LPCAT1: variants seen among roughly 807,000 people sequenced by gnomAD.
LPCAT1 encodes 1-acylglycerol-3-phosphate O-acyltransferase.
LPCAT1 carries 23 observed loss-of-function variants against 60.9 expected under a neutral mutation model. The observed-to-expected ratio is 0.38, with a 90% CI of 0.27 to 0.53. The LOEUF (loss-of-function observed/expected upper bound fraction) is 0.53. LPCAT1 is among the 20% of genes least tolerant of loss of function. LPCAT1 has a pLI of 0.82. For synonymous variants in LPCAT1, 340 were observed against 301.1 expected, an observed-to-expected ratio of 1.13 and a Z score of -1.34; for missense variants, 622 against 723.6, an observed-to-expected ratio of 0.86 and a Z score of 1.61.
At chr5:1,507,854 A>C (rs1233251563) in intron 1 of LPCAT1, among the ~76,000 whole-genome samples, 1 of 152,224 alleles carries the variant, frequency 6.6e-6, no homozygotes, top group Non-Finnish European at 1.5e-5. Flanking sequence ...AGAAAGCCCC[A>C]ATGACAACAA....
intron 4 of LPCAT1, among the ~76,000 whole-genome samples, chr5:1,489,476 A>C (rs1347089409): frequency 6.6e-6 from 1 of 152,222 alleles, no homozygotes; most frequent in South Asian, 2.1e-4. Context: ...CGGGTGAGCA[A>C]TGCTCTATCT....
At chr5:1,503,617 T>A (rs573153280) in intron 1 of LPCAT1, among the ~76,000 whole-genome samples, 42 of 152,244 alleles carry the variant, frequency 2.8e-4, no homozygotes, top group Non-Finnish European at 5.3e-4. Flanking sequence ...TCCGCTCCTG[T>A]CACTTCCTCC....
At chr5:1,492,236 T>C (rs1435021213) in intron 3 of LPCAT1, among the ~76,000 whole-genome samples, 1 of 149,936 alleles carries the variant, frequency 6.7e-6, no homozygotes, top group African/African-American at 2.5e-5. Context: ...CAAGGGGAGA[T>C]GTCTCTGAGC....
rs1050340559 is a variant in LPCAT1 at position 1,480,184 on chromosome 5, G to A, written c.762-509C>T. 7.9e-6 allele frequency: 2 copies of A among 252,420 alleles called. No individual in the cohort carries two copies. The highest frequency in any genetic ancestry group is 1.3e-4 in the Admixed American group (2 of 15,340). The allele number at this position is 252,420 out of a possible 1,614,324, so 15.6% of individuals were successfully genotyped here. On this transcript the variant is annotated intron_variant, in intron 7 of 13. Coordinates refer to ENST00000283415, the MANE Select transcript of LPCAT1 (RefSeq NM_024830.5). This position sits in a 1 kb window ranked among gnomAD's most constrained non-coding sequence, Gnocchi z 6.4. ...CCCAACCCTCTTTCTGCCCTGTCAT[G>A]CCAGCCCCAGCCCTAGGCCCCCGGG... is the stretch of plus-strand genomic sequence containing the variant.
At position 1,483,141 on chromosome 5, in the gene LPCAT1, G is replaced by C. The variant is rs1460223052; in HGVS notation, c.726+287C>G. Among the ~76,000 whole-genome samples, 1 of 152,172 alleles carries C rather than the reference G, an allele frequency of 6.6e-6. No homozygotes were observed. Among genetic ancestry groups the C allele is most frequent in the Non-Finnish European group, 1.5e-5 (1 of 68,034 alleles). ...AGAGGAAAGGGCAGCTTTGTCAGGAGCTATGGAAGCAGGGCTCTGGAACAC... is the reference window on the plus strand; with the variant it reads ...AGAGGAAAGGGCAGCTTTGTCAGGACCTATGGAAGCAGGGCTCTGGAACAC... On this transcript the variant is annotated intron_variant, in intron 6 of 13. Transcript: ENST00000283415. This position sits in a 1 kb window ranked among gnomAD's most constrained non-coding sequence, Gnocchi z 9.2.
At position 1,496,674 on chromosome 5, in the gene LPCAT1, C is replaced by G. The variant is rs1735807300; in HGVS notation, c.279-1760G>C. Among the ~76,000 whole-genome samples the G allele has an allele frequency of 1.3e-5, 2 of 152,190 alleles. No individual in the cohort carries two copies. The highest frequency in any genetic ancestry group is 1.3e-4 in the Admixed American group (2 of 15,284). ...CAGGGACAGACGGTGCTCAGGGGAACTGTACTGGGTGTCGGGGCAGGGAAA... is the reference window on the plus strand; with the variant it reads ...CAGGGACAGACGGTGCTCAGGGGAAGTGTACTGGGTGTCGGGGCAGGGAAA... On this transcript the variant is annotated intron_variant, in intron 2 of 13. Coordinates refer to ENST00000283415, the MANE Select transcript of LPCAT1 (RefSeq NM_024830.5). The surrounding 1 kb of genome is among the most constrained non-coding windows in gnomAD (Gnocchi z 4.7).
At chr5:1,486,327 T>TGCA (rs1046056535) in intron 5 of LPCAT1, among the ~76,000 whole-genome samples, 1 of 151,932 alleles carries the variant, frequency 6.6e-6, no homozygotes, top group Admixed American at 6.6e-5. Flanking sequence ...AGGTGGACAG[T>TGCA]GCAGCACAGA....
chr5:1,471,025 A>C, intron 11 of LPCAT1, 101 bp from the exon 12 acceptor site: 1 of 880,128 alleles, frequency 1.1e-6, no homozygotes, highest in African/African-American at 1.7e-5. Flanking sequence ...GGCCAGTCCC[A>C]CTCTCACTCG....
rs772472042 is a variant in LPCAT1 at position 1,480,924 on chromosome 5, A to G, written c.761+18T>C. 1.1e-5 allele frequency: 18 copies of G among 1,613,756 alleles called. No homozygotes were observed. In the Admixed American group the frequency reaches 2.7e-4, roughly 24 times the overall value. ...ATGGAACAACAGGACAAAGAGGACGACACGGCGTTCAACTTACGCTCCAGG... is the reference window on the plus strand; with the variant it reads ...ATGGAACAACAGGACAAAGAGGACGGCACGGCGTTCAACTTACGCTCCAGG... On this transcript the variant is annotated intron_variant, in intron 7 of 13. Coordinates refer to ENST00000283415, the MANE Select transcript of LPCAT1 (RefSeq NM_024830.5). The surrounding 1 kb of genome is among the most constrained non-coding windows in gnomAD (Gnocchi z 6.4).
At position 1,489,769 on chromosome 5, in the gene LPCAT1, G is replaced by C; in HGVS notation, c.583C>G (p.Gln195Glu). 3 of 1,613,742 alleles carry C rather than the reference G, an allele frequency of 1.9e-6. No homozygotes were observed. The highest frequency in any genetic ancestry group is 1.7e-6 in the Non-Finnish European group (2 of 1,179,590). The change falls in exon 4 of 14, where the codon CAG becomes GAG. Residue 195 changes from glutamine (Q) to glutamate (E), a missense_variant. Physicochemically the swap from Gln to Glu is conservative, Grantham distance 29. Transcript: ENST00000283415. ...KTVEEIKRRA[Q>E]SNGKWPQIMI... is the part of the protein sequence containing the mutation. ...ACCTGTGGCCACTTTCCGTTGGACT[G>C]CGCCCGTCTCTTGATTTCTTCTACT...
chr5:1,518,585 C>T (rs1464676634), intron 1 of LPCAT1, among the ~76,000 whole-genome samples: 6 of 152,226 alleles, frequency 3.9e-5, no homozygotes, highest in Admixed American at 3.9e-4. Context: ...CATGATCCGC[C>T]CGCCTCGGCC....
Position 1,470,915 on chromosome 5 carries a change from C to T in LPCAT1, c.1189G>A (p.Gly397Ser), listed in dbSNP as rs1350502986. ...MFSLFDESGS[G>S]EVDLRECVVA... ...ACACACTCTCGCAGGTCCACCTCGC[C>T]GCTGCCGCTCTGTGGGGAGAGACGC... The change falls in exon 12 of 14, where the codon GGC (glycine) becomes AGC (serine). Residue 397 changes from glycine to serine, a missense_variant. Gly to Ser is a moderately conservative substitution (Grantham distance 56). Transcript: ENST00000283415. The T allele has an allele frequency of 8.7e-6, 14 of 1,612,836 alleles. No individual in the cohort carries two copies. Among genetic ancestry groups the T allele is most frequent in the African/African-American group, 1.3e-5 (1 of 74,902 alleles).
chr5:1,510,430 G>C (rs901487192), intron 1 of LPCAT1, among the ~76,000 whole-genome samples: 1 of 152,170 alleles, frequency 6.6e-6, no homozygotes, highest in African/African-American at 2.4e-5. Flanking sequence ...TCTTGCCTGC[G>C]AGATGACAGT....
At chr5:1,488,529 A>C in intron 4 of LPCAT1, 78 bp from the exon 5 acceptor site, 1 of 985,610 alleles carries the variant, frequency 1.0e-6, no homozygotes, top group East Asian at 2.4e-5. Context: ...GCCAATCTTC[A>C]CAATATATTT....
chr5:1,486,480 G>A (rs1345552272), intron 5 of LPCAT1, among the ~76,000 whole-genome samples: 1 of 152,168 alleles, frequency 6.6e-6, no homozygotes, highest in Non-Finnish European at 1.5e-5. Context: ...GCCCAAACGG[G>A]TGACCCCAGC....
rs10708465 is a variant in LPCAT1 at position 1,495,330 on chromosome 5, TGGG to T, written c.279-419_279-417del. Among the ~76,000 whole-genome samples, 1 of 140,524 alleles carries T rather than the reference TGGG, an allele frequency of 7.1e-6. No homozygotes were observed. Among genetic ancestry groups the T allele is most frequent in the South Asian group, 2.3e-4 (1 of 4,394 alleles). 92.2% of individuals were successfully genotyped at this position (140,524 alleles called of 152,430 possible). ...AACACCTAAAACGCATATCGCAATA[TGGG>T]GGGGGGGGCGCTCAGAGCTGAGGGC... is the stretch of plus-strand genomic sequence containing the variant. On this transcript the variant is annotated intron_variant, in intron 2 of 13. Transcript: ENST00000283415. The surrounding 1 kb of genome is among the most constrained non-coding windows in gnomAD (Gnocchi z 4.7).
chr5:1,507,629 G>A (rs1479762176), intron 1 of LPCAT1, among the ~76,000 whole-genome samples: 6 of 152,162 alleles, frequency 3.9e-5, no homozygotes, highest in Admixed American at 6.5e-5. Flanking sequence ...GGGGCCGGGC[G>A]CGAGCGCTCA....
intron 13 of LPCAT1, among the ~76,000 whole-genome samples, chr5:1,465,809 C>T (rs1044162473): frequency 2.0e-5 from 3 of 151,992 alleles, no homozygotes; most frequent in East Asian, 2.0e-4. Context: ...AAAAGAAGCA[C>T]GCACATGCGT....
intron 1 of LPCAT1, among the ~76,000 whole-genome samples, chr5:1,519,482 C>T (rs1032229368): frequency 6.6e-6 from 1 of 152,130 alleles, no homozygotes; most frequent in Non-Finnish European, 1.5e-5. Flanking sequence ...GTGCGTCATT[C>T]GGAAAATTCA....
Sources: gnomAD v4.1 joint callset for allele counts (sites outside exome capture counted in the v4.1 genomes callset) on GRCh38, gnomAD v4.1.1 for gene constraint, Gnocchi (gnomAD v3.1) non-coding constraint, MANE v1.5 for transcripts, NCBI Gene and HGNC (gene_info 2026-07-23, HGNC 2026-07-21) for gene names.